The following TMEM108 variants were observed in gnomAD, a reference collection of about 807,000 sequenced individuals.
TMEM108 encodes cancer/testis antigen 124.
Under a neutral mutation model 35.1 loss-of-function variants are expected in TMEM108, and 12 were observed. The observed-to-expected ratio is 0.34, with a 90% confidence interval of 0.22 to 0.55. The LOEUF is 0.55. Among genes scored for constraint, TMEM108 ranks in the 20% least tolerant of loss-of-function variants. The pLI, the probability that TMEM108 is intolerant of heterozygous loss-of-function variation, is 0.89. For missense variants in TMEM108, 680 were observed against 753.3 expected (o/e 0.90, Z 1.14); for synonymous variants, 287 against 308.6 (o/e 0.93, Z 0.73).
intron 3 of TMEM108, among the ~76,000 whole-genome samples, chr3:133,288,105 A>G (rs1027947234): frequency 6.6e-6 from 1 of 152,194 alleles, no homozygotes; most frequent in East Asian, 1.9e-4. Flanking sequence ...TCTTGCCCGC[A>G]TGGTCATTTA....
chr3:133,066,010 G>T (rs969412020), intron 2 of TMEM108, among the ~76,000 whole-genome samples: 3 of 152,158 alleles, frequency 2.0e-5, no homozygotes, highest in Non-Finnish European at 4.4e-5. Context: ...TGCTTCATTA[G>T]TGTGGTTTTT....
intron 2 of TMEM108, among the ~76,000 whole-genome samples, chr3:133,189,061 T>C (rs1945462283): frequency 1.3e-5 from 2 of 152,216 alleles, no homozygotes; most frequent in Admixed American, 6.5e-5. Flanking sequence ...TTTGGAAATG[T>C]AGTTTAGCTC....
chr3:133,227,415 G>A (rs1309096384), intron 2 of TMEM108, among the ~76,000 whole-genome samples: 4 of 147,814 alleles, frequency 2.7e-5, no homozygotes, highest in South Asian at 4.3e-4. Context: ...GGATGGTCTC[G>A]ATCTCCTGAC....
chr3:133,075,946 G>A (rs919259131), intron 2 of TMEM108, among the ~76,000 whole-genome samples: 13 of 152,092 alleles, frequency 8.5e-5, no homozygotes, highest in African/African-American at 2.7e-4. Flanking sequence ...GCAAGTGAGT[G>A]AGGCTGAAAG....
chr3:133,162,415 T>C (rs1206745653), intron 2 of TMEM108, among the ~76,000 whole-genome samples: 1 of 152,182 alleles, frequency 6.6e-6, no homozygotes, highest in Non-Finnish European at 1.5e-5. Context: ...TCAGCCTGAG[T>C]GAGCAGACCA....
intron 2 of TMEM108, among the ~76,000 whole-genome samples, chr3:133,222,121 C>G (rs887410498): frequency 6.6e-6 from 1 of 152,168 alleles, no homozygotes; most frequent in Non-Finnish European, 1.5e-5. Flanking sequence ...TGAACTCCTT[C>G]AGCTTTTGTT....
At chr3:133,091,939 C>T (rs1001632652) in intron 2 of TMEM108, among the ~76,000 whole-genome samples, 1 of 152,052 alleles carries the variant, frequency 6.6e-6, no homozygotes, top group Non-Finnish European at 1.5e-5. Context: ...TCAGAGAAAA[C>T]GCATTATTTG....
chr3:133,361,576 C>T (rs73209818), intron 3 of TMEM108, among the ~76,000 whole-genome samples: 6,689 of 152,260 alleles, frequency 0.044, 191 homozygotes, highest in Non-Finnish European at 0.064. Context: ...TCTCGGCTTC[C>T]GTTGGCATCA....
At chr3:133,322,628 A>C (rs2071280511) in intron 3 of TMEM108, among the ~76,000 whole-genome samples, 1 of 152,208 alleles carries the variant, frequency 6.6e-6, no homozygotes, top group South Asian at 2.1e-4. Flanking sequence ...AAACTATTCC[A>C]AAAGATAGAG....
At chr3:133,063,553 A>G (rs1433111603) in intron 2 of TMEM108, among the ~76,000 whole-genome samples, 1 of 152,084 alleles carries the variant, frequency 6.6e-6, no homozygotes, top group African/African-American at 2.4e-5. Context: ...AAGCATTGGG[A>G]ATGGTGGGTG....
At chr3:133,226,005 A>G (rs926652562) in intron 2 of TMEM108, among the ~76,000 whole-genome samples, 2 of 152,244 alleles carry the variant, frequency 1.3e-5, no homozygotes, top group African/African-American at 4.8e-5. Flanking sequence ...ATAAGACATC[A>G]GTCAATACAT....
chr3:133,073,484 T>TTCTCTCTCTCTCTCTCTCTC lies in TMEM108; in HGVS notation c.-47+27472_-47+27491dup, dbSNP rs371623398. Among the ~76,000 whole-genome samples the TTCTCTCTCTCTCTCTCTCTC allele has an allele frequency of 1.2e-3, 64 of 55,612 alleles. 3 individuals carry two copies. Among genetic ancestry groups the TTCTCTCTCTCTCTCTCTCTC allele is most frequent in the African/African-American group, 2.1e-3 (19 of 9,162 alleles). The allele number at this position is 55,612 out of a possible 152,430, so 36.5% of individuals were successfully genotyped here. On this transcript the variant is annotated intron_variant, in intron 2 of 5. Transcript: ENST00000321871. ...TTTTTTAAGGCTGAATAGTATTCTA[T>TTCTCTCTCTCTCTCTCTCTC]TCTCTCTCTCTCTCTCTCTCTCTCT...
intron 3 of TMEM108, among the ~76,000 whole-genome samples, chr3:133,327,847 A>C (rs2071349563): frequency 6.6e-6 from 1 of 152,078 alleles, no homozygotes; most frequent in Non-Finnish European, 1.5e-5. Flanking sequence ...AGCAGCGGTG[A>C]AATTCAGTGA....
intron 3 of TMEM108, among the ~76,000 whole-genome samples, chr3:133,282,371 T>C (rs958315603): frequency 6.6e-6 from 1 of 152,226 alleles, no homozygotes. Flanking sequence ...GTTTTCCTAG[T>C]TGTATTTAAA....
At chr3:133,170,487 T>C (rs1945113947) in intron 2 of TMEM108, among the ~76,000 whole-genome samples, 1 of 152,168 alleles carries the variant, frequency 6.6e-6, no homozygotes, top group African/African-American at 2.4e-5. Flanking sequence ...AAACCAAAAC[T>C]AGTAAAATGT....
chr3:133,112,681 A>G (rs1944240375), intron 2 of TMEM108, among the ~76,000 whole-genome samples: 2 of 152,220 alleles, frequency 1.3e-5, no homozygotes, highest in Admixed American at 6.5e-5. Context: ...CAGCACCTAG[A>G]TATTCCAATG....
chr3:133,234,265 C>A (rs947410422), intron 3 of TMEM108, among the ~76,000 whole-genome samples: 1 of 152,078 alleles, frequency 6.6e-6, no homozygotes, highest in African/African-American at 2.4e-5. Flanking sequence ...ATATGGCTAG[C>A]CAGTTTTCCC....
At chr3:133,122,619 A>G (rs1944366929) in intron 2 of TMEM108, among the ~76,000 whole-genome samples, 1 of 152,136 alleles carries the variant, frequency 6.6e-6, no homozygotes, top group Non-Finnish European at 1.5e-5. Flanking sequence ...TAATCCCAGC[A>G]CTTTGGGAGG....
intron 2 of TMEM108, among the ~76,000 whole-genome samples, chr3:133,099,194 G>A (rs949189245): frequency 1.3e-5 from 2 of 152,200 alleles, no homozygotes; most frequent in Non-Finnish European, 1.5e-5. Context: ...AGCTGCCAAG[G>A]CTTAGGGAAT....
Sources: gnomAD v4.1 joint callset for allele counts (sites outside exome capture counted in the v4.1 genomes callset) on GRCh38, gnomAD v4.1.1 for gene constraint, MANE v1.5 for transcripts, NCBI Gene and HGNC (gene_info 2026-07-23, HGNC 2026-07-21) for gene names.